The following NFIC variants were observed in gnomAD, a reference collection of about 807,000 sequenced individuals.
The protein encoded by NFIC is nuclear factor I C.
NFIC carries 12 observed loss-of-function variants against 54.4 expected under a neutral mutation model. That is an observed-to-expected ratio of 0.22 (90% CI 0.14 to 0.36). The LOEUF (loss-of-function observed/expected upper bound fraction) is 0.36. Among genes scored for constraint, NFIC ranks in the 10% least tolerant of loss-of-function variants. NFIC has a pLI of 1.00. For missense variants in NFIC, 575 were observed against 718.2 expected (o/e 0.80, Z 2.28); for synonymous variants, 322 against 319.2 (o/e 1.01, Z -0.09).
At position 3,452,988 on chromosome 19, in the gene NFIC, C is replaced by T. The variant is rs538213156; in HGVS notation, c.1269+322C>T. ...TAGCGGCTCATGCCTGTGATCCCAG[C>T]GCTTTCGGAGGCCAAGGCGGGAGGA... On this transcript the variant is annotated intron_variant, in intron 8 of 10. Transcript: ENST00000443272. The surrounding 1 kb of genome is among the most constrained non-coding windows in gnomAD (Gnocchi z 5.3). Among the ~76,000 whole-genome samples the T allele has an allele frequency of 4.6e-5, 7 of 152,328 alleles. No individual in the cohort carries two copies. Among genetic ancestry groups the T allele is most frequent in the Middle Eastern group, 3.4e-3 (1 of 294 alleles).
chr19:3,454,833 G>T (rs2121916992), intron 9 of NFIC, among the ~76,000 whole-genome samples: 1 of 151,166 alleles, frequency 6.6e-6, no homozygotes, highest in African/African-American at 2.4e-5. Flanking sequence ...TCTTCTCCCT[G>T]CCCCGGCGTT....
intron 2 of NFIC, among the ~76,000 whole-genome samples, chr19:3,417,880 C>T (rs1177064685): frequency 1.3e-5 from 2 of 150,262 alleles, no homozygotes; most frequent in Non-Finnish European, 3.0e-5. Flanking sequence ...CCTCATGATC[C>T]GCCCGCCTCG....
At position 3,435,122 on chromosome 19, in the gene NFIC, G is replaced by A; in HGVS notation, c.873G>A (p.Val291=). ...AATCGGGCTCGATGGAGGAAGACGT[G>A]GACACGAGCCCTGGCGGCGATTACT... ...RHKSGSMEED[V]DTSPGGDYYT... is the part of the protein sequence containing the mutation. The change falls in exon 6 of 11, where the codon GTG becomes GTA. Residue 291 remains valine, a synonymous_variant. Transcript: ENST00000443272. 1.9e-6 allele frequency: 3 copies of A among 1,605,898 alleles called. No homozygotes were observed. Among genetic ancestry groups the A allele is most frequent in the Non-Finnish European group, 2.5e-6 (3 of 1,176,614 alleles).
intron 6 of NFIC, among the ~76,000 whole-genome samples, chr19:3,444,423 G>A (rs772736566): frequency 1.2e-4 from 19 of 152,224 alleles, no homozygotes; most frequent in African/African-American, 3.4e-4. Context: ...TGAGATGGGC[G>A]GGGGACGCAC....
In NFIC at chr19:3,369,716, C is replaced by T. The variant is rs568474372; in HGVS notation, c.30+3050C>T. Among the ~76,000 whole-genome samples the T allele has an allele frequency of 2.4e-4, 36 of 151,160 alleles. No homozygotes were observed. In the South Asian group the frequency reaches 4.4e-3, roughly 18 times the overall value. On this transcript the variant is annotated intron_variant, in intron 1 of 10. Transcript: ENST00000443272. This position sits in a 1 kb window ranked among gnomAD's most constrained non-coding sequence, Gnocchi z 4.3. ...CCATAAATCCTGCCGGCGGGAAGGCCGGCCTCCCCGCGCCTGCTCTGGGCC... is the reference window on the plus strand; with the variant it reads ...CCATAAATCCTGCCGGCGGGAAGGCTGGCCTCCCCGCGCCTGCTCTGGGCC...
chr19:3,431,410 C>T (rs1437337348), intron 3 of NFIC, among the ~76,000 whole-genome samples: 33 of 140,844 alleles, frequency 2.3e-4, no homozygotes, highest in East Asian at 6.2e-4. Flanking sequence ...GCTCTGTCCC[C>T]GAGGCTGGAG....
In NFIC at chr19:3,373,595, C is replaced by T. The variant is rs1338308220; in HGVS notation, c.30+6929C>T. Among the ~76,000 whole-genome samples the T allele has an allele frequency of 4.6e-5, 7 of 151,816 alleles. No homozygotes were observed. The East Asian group carries it at 1.4e-3, about 29-fold the overall frequency. Reference sequence around the variant, plus strand: ...TCTCAAGACTTTGTTCAGGTGTCTCCTCCTGCAAGAGACCTTCCTGGACCC... The same window carrying T: ...TCTCAAGACTTTGTTCAGGTGTCTCTTCCTGCAAGAGACCTTCCTGGACCC... On this transcript the variant is annotated intron_variant, in intron 1 of 10. Transcript: ENST00000443272.
At chr19:3,460,667 C>G (rs2082625561) in intron 10 of NFIC, among the ~76,000 whole-genome samples, 1 of 152,084 alleles carries the variant, frequency 6.6e-6, no homozygotes, top group Admixed American at 6.5e-5. Context: ...GCACGTGCCA[C>G]CACGCCTGGC....
upstream of NFIC, among the ~76,000 whole-genome samples, chr19:3,364,473 G>GC (rs2080857286): frequency 6.6e-6 from 1 of 152,180 alleles, no homozygotes; most frequent in Non-Finnish European, 1.5e-5. Context: ...TGTGTGTGCT[G>GC]CGGGGGTCCC....
intron 3 of NFIC, among the ~76,000 whole-genome samples, chr19:3,426,547 G>A (rs900957485): frequency 2.6e-5 from 4 of 152,082 alleles, no homozygotes; most frequent in African/African-American, 9.7e-5. Context: ...GAGGACACCT[G>A]TGAGCCCCCA....
chr19:3,382,188 T>TGGC lies in NFIC; in HGVS notation c.509_511dup (p.Gly170dup). 1 of 1,610,978 alleles carries TGGC rather than the reference T, an allele frequency of 6.2e-7. No individual in the cohort carries two copies. Among genetic ancestry groups the TGGC allele is most frequent in the Non-Finnish European group, 8.5e-7 (1 of 1,179,866 alleles). ...TCCTGTGCGTGCAGCCGCACCACAT[T>TGGC]GGCGTGGCCGTCAAGGAGCTGGACC... On this transcript the variant is annotated inframe_insertion, in exon 2 of 11. Coordinates refer to ENST00000443272, the MANE Select transcript of NFIC (RefSeq NM_001245002.2).
chr19:3,462,838 C>G lies in NFIC; in HGVS notation c.*69C>G. On this transcript the variant is annotated 3_prime_UTR_variant, in exon 11 of 11. Transcript: ENST00000443272. The stretch of plus-strand genomic sequence containing the variant: ...CCCAGGGGGCAGCACAGCCGGCCCC[C>G]GGCCCACGTTTTCGGTGGAAAATTA... The G allele has an allele frequency of 6.2e-7, 1 of 1,610,152 alleles. No individual in the cohort carries two copies. Among genetic ancestry groups the G allele is most frequent in the Non-Finnish European group, 8.5e-7 (1 of 1,178,962 alleles).
intron 1 of NFIC, among the ~76,000 whole-genome samples, chr19:3,381,077 C>G (rs902595972): frequency 2.0e-5 from 3 of 152,140 alleles, no homozygotes; most frequent in Non-Finnish European, 2.9e-5. Flanking sequence ...CTTGCTCCAT[C>G]TGCATGCTGG....
Position 3,449,148 on chromosome 19 carries a change from C to T in NFIC, c.1084+9C>T, listed in dbSNP as rs1277103785. On this transcript the variant is annotated intron_variant, in intron 7 of 10. Coordinates refer to ENST00000443272, the MANE Select transcript of NFIC (RefSeq NM_001245002.2). ...CATCGCCGTGCACAGCGGTAAGCGCCACGGGCCCCTGGCGGGGAGGGGCGG... is the reference window on the plus strand; with the variant it reads ...CATCGCCGTGCACAGCGGTAAGCGCTACGGGCCCCTGGCGGGGAGGGGCGG... The T allele has an allele frequency of 3.1e-6, 5 of 1,608,262 alleles. No individual in the cohort carries two copies. The African/African-American group carries it at 6.7e-5, about 22-fold the overall frequency.
At chr19:3,437,751 G>A (rs1042037190) in intron 6 of NFIC, among the ~76,000 whole-genome samples, 1 of 151,138 alleles carries the variant, frequency 6.6e-6, no homozygotes, top group African/African-American at 2.4e-5. Context: ...GTGCAGTGGT[G>A]CAATCTCGGC....
chr19:3,443,076 C>G (rs1255393668), intron 6 of NFIC, among the ~76,000 whole-genome samples: 3 of 152,206 alleles, frequency 2.0e-5, no homozygotes, highest in Non-Finnish European at 4.4e-5. Context: ...CAGCCCCTCC[C>G]CAGGGAACGA....
chr19:3,368,181 T>C (rs1490537711), intron 1 of NFIC, among the ~76,000 whole-genome samples: 1 of 151,788 alleles, frequency 6.6e-6, no homozygotes, highest in Non-Finnish European at 1.5e-5. Context: ...GCTTGTGGGG[T>C]GACTGAGGTG....
chr19:3,391,917 T>A (rs959592371), intron 2 of NFIC, among the ~76,000 whole-genome samples: 3 of 152,280 alleles, frequency 2.0e-5, no homozygotes, highest in Admixed American at 1.3e-4. Context: ...ATTGTCGTTA[T>A]CATGATCGTC....
chr19:3,368,720 A>C lies in NFIC; in HGVS notation c.30+2054A>C, dbSNP rs538968979. Among the ~76,000 whole-genome samples, 7 of 152,128 alleles carry C rather than the reference A, an allele frequency of 4.6e-5. No homozygotes were observed. The East Asian group carries it at 1.4e-3, about 30-fold the overall frequency. On this transcript the variant is annotated intron_variant, in intron 1 of 10. Transcript: ENST00000443272. ...GAATGTAATCCCCACTGTTCCCCCA[A>C]GGCCCAGCCTGGTCTGGGGTAGCCA...
Sources: allele counts gnomAD v4.1 joint callset (sites outside exome capture counted in the v4.1 genomes callset), GRCh38; gene constraint gnomAD v4.1.1; non-coding constraint Gnocchi (gnomAD v3.1); transcripts MANE v1.5; gene names NCBI Gene and HGNC (gene_info 2026-07-23, HGNC 2026-07-21).